Variants in C11orf65 observed in about 807,000 individuals in gnomAD.
The protein encoded by C11orf65 is protein MFI.
In C11orf65, 38 loss-of-function variants were observed where a neutral mutation model predicts 35.3. The observed-to-expected ratio is 1.08, with a 90% CI of 0.83 to 1.41. The LOEUF (loss-of-function observed/expected upper bound fraction) is 1.41. Among genes scored for constraint, C11orf65 ranks in the 40% most tolerant of loss-of-function variants. The probability of loss-of-function intolerance (pLI) is 0.00; values close to 1 mark genes in which losing one functional copy is unlikely to be tolerated. For synonymous variants in C11orf65, 105 were observed against 114.4 expected, an observed-to-expected ratio of 0.92 and a Z score of 0.53; for missense variants, 370 against 367.1, an observed-to-expected ratio of 1.01 and a Z score of -0.06.
At chr11:108,447,050 T>A (rs967980597) in intron 2 of C11orf65, among the ~76,000 whole-genome samples, 1 of 152,118 alleles carries the variant, frequency 6.6e-6, no homozygotes, top group African/African-American at 2.4e-5. Flanking sequence ...CATTACGTAA[T>A]GATAAAGGGA....
intron 1 of C11orf65, among the ~76,000 whole-genome samples, chr11:108,465,359 T>C (rs1238522498): frequency 6.6e-6 from 1 of 152,110 alleles, no homozygotes; most frequent in Non-Finnish European, 1.5e-5. Flanking sequence ...ATACACAAAA[T>C]ATAGAGGAAA....
At chr11:108,406,503 T>C (rs528518662) in intron 5 of C11orf65, among the ~76,000 whole-genome samples, 1 of 152,176 alleles carries the variant, frequency 6.6e-6, no homozygotes, top group Non-Finnish European at 1.5e-5. Flanking sequence ...GTATATAATC[T>C]GCTGAGTACC....
chr11:108,410,837 T>C (rs1255036433), intron 3 of C11orf65, among the ~76,000 whole-genome samples: 2 of 151,592 alleles, frequency 1.3e-5, no homozygotes, highest in African/African-American at 4.9e-5. Flanking sequence ...GCCTCCTGAG[T>C]AGGTGGGATT....
intron 2 of C11orf65, among the ~76,000 whole-genome samples, chr11:108,377,161 A>G (rs227080): frequency 0.55 from 80,818 of 148,210 alleles, 22,351 homozygotes; most frequent in Middle Eastern, 0.74. Context: ...ACCAAAGCCG[A>G]GCAGAGACAC....
intron 2 of C11orf65, among the ~76,000 whole-genome samples, chr11:108,439,086 T>C (rs2093110883): frequency 6.6e-6 from 1 of 151,282 alleles, no homozygotes; most frequent in Non-Finnish European, 1.5e-5. Flanking sequence ...TGGGAGAAAA[T>C]ATTTGCAAAG....
chr11:108,404,674 CTGCCTCAGCCTCCCAAAG>C (rs1324024893), intron 6 of C11orf65, among the ~76,000 whole-genome samples: 1 of 151,670 alleles, frequency 6.6e-6, no homozygotes, highest in Admixed American at 6.6e-5. Flanking sequence ...CGTGATCTGC[CTGCCTCAGCCTCCCAAAG>C]TGCTGGGATT....
intron 2 of C11orf65, among the ~76,000 whole-genome samples, chr11:108,364,459 C>T (rs2091124679): frequency 6.6e-6 from 1 of 152,156 alleles, no homozygotes; most frequent in African/African-American, 2.4e-5. Flanking sequence ...TTTTGGTATC[C>T]TAATTCTACA....
At chr11:108,314,560 T>A (rs2084454689) in intron 6 of C11orf65, among the ~76,000 whole-genome samples, 1 of 152,098 alleles carries the variant, frequency 6.6e-6, no homozygotes, top group African/African-American at 2.4e-5. Context: ...GTCCTCCTGT[T>A]GTCTAGGACC....
downstream of C11orf65, among the ~76,000 whole-genome samples, chr11:108,378,880 C>A (rs1565624296): frequency 6.6e-6 from 1 of 151,606 alleles, no homozygotes. Flanking sequence ...TGAAAAAATG[C>A]TCATCATCAC....
intron 2 of C11orf65, among the ~76,000 whole-genome samples, chr11:108,357,963 G>C (rs2090225105): frequency 6.7e-6 from 1 of 149,976 alleles, no homozygotes; most frequent in Non-Finnish European, 1.5e-5. Flanking sequence ...TTGACGAGCT[G>C]AGAGAAGAAG....
intron 1 of C11orf65, among the ~76,000 whole-genome samples, chr11:108,463,240 G>A (rs1269394400): frequency 7.8e-6 from 1 of 128,660 alleles, no homozygotes; most frequent in Non-Finnish European, 1.8e-5. Flanking sequence ...ATCTACTAAT[G>A]TTTAGAAAGA....
chr11:108,310,224 A>G lies in C11orf65; in HGVS notation c.641-1153T>C, dbSNP rs779692309. 3 of 1,613,676 alleles carry G rather than the reference A, an allele frequency of 1.9e-6. No homozygotes were observed. Among genetic ancestry groups the G allele is most frequent in the Non-Finnish European group, 2.5e-6 (3 of 1,179,746 alleles). On this transcript the variant is annotated intron_variant, in intron 6 of 6. Transcript: ENST00000525729. ...GGATTTAAATTATCTAGAAGTTGCC[A>G]AGGTAGCTCAGTCTTGTGCTGCTCA...
chr11:108,310,364 C>T (rs756206506), intron 6 of C11orf65: 1 of 1,535,798 alleles, frequency 6.5e-7, no homozygotes, highest in Non-Finnish European at 9.0e-7. Flanking sequence ...TTGGCATTGT[C>T]TCAATAAGGG....
At chr11:108,314,567 G>A (rs2084455340) in intron 6 of C11orf65, among the ~76,000 whole-genome samples, 1 of 151,926 alleles carries the variant, frequency 6.6e-6, no homozygotes, top group African/African-American at 2.4e-5. Context: ...TGTTGTCTAG[G>A]ACCAGTCTAC....
chr11:108,456,430 T>G (rs1056798662), intron 2 of C11orf65, among the ~76,000 whole-genome samples: 1 of 152,078 alleles, frequency 6.6e-6, no homozygotes, highest in Non-Finnish European at 1.5e-5. Context: ...AAGGAAAATA[T>G]CTTCTGACTA....
chr11:108,446,549 G>T (rs946496363), intron 2 of C11orf65, among the ~76,000 whole-genome samples: 12 of 151,810 alleles, frequency 7.9e-5, no homozygotes, highest in East Asian at 1.9e-4. Context: ...ATCAGTGAAG[G>T]AGAAATAAAA....
At chr11:108,421,576 T>A (rs1176393873) in intron 3 of C11orf65, among the ~76,000 whole-genome samples, 1 of 152,052 alleles carries the variant, frequency 6.6e-6, no homozygotes, top group South Asian at 2.1e-4. Flanking sequence ...GAGAATCACT[T>A]GAATCTGGGA....
At position 108,337,268 on chromosome 11, in the gene C11orf65, T is replaced by G. The variant is rs11212590; in HGVS notation, c.227-1976A>C. Among the ~76,000 whole-genome samples the G allele has an allele frequency of 6.0e-3, 918 of 152,286 alleles. 6 individuals carry two copies. Among genetic ancestry groups the G allele is most frequent in the East Asian group, 0.011 (55 of 5,182 alleles). On this transcript the variant is annotated intron_variant, in intron 2 of 3. Transcript: ENST00000524755. ...ACAATTTTTTCCGTAGCCTTCAAGT[T>G]TGTGAGAAATTTGTGACATGGAACC...
intron 2 of C11orf65, among the ~76,000 whole-genome samples, chr11:108,359,356 A>T (rs556654061): frequency 1.3e-5 from 2 of 152,224 alleles, no homozygotes; most frequent in Admixed American, 1.3e-4. Flanking sequence ...GGGAGACTTT[A>T]ACACCCCACT....
Sources: gnomAD v4.1 joint callset for allele counts (sites outside exome capture counted in the v4.1 genomes callset) on GRCh38, gnomAD v4.1.1 for gene constraint, MANE v1.5 for transcripts, NCBI Gene and HGNC (gene_info 2026-07-23, HGNC 2026-07-21) for gene names.